LTA4H: variants seen among roughly 807,000 people sequenced by gnomAD.
LTA4H encodes the protein leukotriene A4 hydrolase.
Under a neutral mutation model 89.8 loss-of-function variants are expected in LTA4H, and 59 were observed. The ratio of observed to expected loss-of-function variants is 0.66; its 90% CI spans 0.53 to 0.82. The LOEUF (loss-of-function observed/expected upper bound fraction) is 0.82. LTA4H is among the 40% of genes least tolerant of loss of function. The pLI, the probability that LTA4H is intolerant of heterozygous loss-of-function variation, is 0.00. For missense variants in LTA4H, 617 were observed against 727.0 expected, an observed-to-expected ratio of 0.85 and a Z score of 1.74; for synonymous variants, 227 against 253.1, an observed-to-expected ratio of 0.90 and a Z score of 0.98.
Position 96,022,396 on chromosome 12 carries a change from G to GTATATAT in LTA4H, c.481-152_481-146dup. On this transcript the variant is annotated intron_variant, in intron 4 of 18. Coordinates refer to ENST00000228740, the MANE Select transcript of LTA4H (RefSeq NM_000895.3). This position sits in a 1 kb window ranked among gnomAD's most constrained non-coding sequence, Gnocchi z 4.0. ...CAAAAAGTATATACATATACAAAAA[G>GTATATAT]TATATATATACACACACATATATAT... The GTATATAT allele has an allele frequency of 1.7e-6, 1 of 583,490 alleles. No homozygotes were observed. 36.1% of individuals were successfully genotyped at this position (583,490 alleles called of 1,614,324 possible).
In LTA4H at chr12:96,003,000, T is replaced by C; in HGVS notation, c.1678A>G (p.Thr560Ala). 1 of 1,605,904 alleles carries C rather than the reference T, an allele frequency of 6.2e-7. No individual in the cohort carries two copies. The highest frequency in any genetic ancestry group is 1.1e-5 in the South Asian group (1 of 89,336). The change falls in exon 18 of 19, where the codon ACT (threonine) becomes GCT (alanine). Residue 560 changes from threonine to alanine, a missense_variant. Thr to Ala is a moderately conservative substitution (Grantham distance 58, BLOSUM62 0). Coordinates refer to ENST00000228740, the MANE Select transcript of LTA4H (RefSeq NM_000895.3). The stretch of plus-strand genomic sequence containing the variant: ...GTAAACTTCATTCTTCCTTGTTCAG[T>C]TGCCATCTTTAGCGCCAAAGGAATT... ...DAIPLALKMA[T>A]EQGRMKFTRP...
chr12:96,019,235 A>G lies in LTA4H; in HGVS notation c.644T>C (p.Ile215Thr). The G allele has an allele frequency of 6.2e-7, 1 of 1,609,492 alleles. No homozygotes were observed. The highest frequency in any genetic ancestry group is 8.5e-7 in the Non-Finnish European group (1 of 1,178,868). Reference sequence around the variant, plus strand: ...AGACCACACCAAAGTTCTTGGGCCAATTTGCCTGCAAGATTAAAAAGCTTA... The same window carrying G: ...AGACCACACCAAAGTTCTTGGGCCAGTTTGCCTGCAAGATTAAAAAGCTTA... ...LVVGALESRQ[I>T]GPRTLVWSEK... Residue 215 changes from isoleucine (I) to threonine (T), a missense_variant, in exon 7 of 19, where the codon ATT becomes ACT. Ile to Thr is a moderately conservative substitution (Grantham distance 89). Coordinates refer to ENST00000228740, the MANE Select transcript of LTA4H (RefSeq NM_000895.3).
intron 6 of LTA4H, among the ~76,000 whole-genome samples, chr12:96,019,715 C>T (rs1222664908): frequency 1.3e-5 from 2 of 151,600 alleles, no homozygotes; most frequent in African/African-American, 4.9e-5. Flanking sequence ...CCTCAGCCTC[C>T]CTAGTAGCTG....
intron 1 of LTA4H, among the ~76,000 whole-genome samples, chr12:96,042,145 G>A (rs941830397): frequency 6.6e-5 from 10 of 151,830 alleles, no homozygotes; most frequent in Non-Finnish European, 1.3e-4. Context: ...ACTACGCCGA[G>A]CTAATTTTTG....
At chr12:96,027,341 A>G in intron 3 of LTA4H, 103 bp downstream of exon 3, 1 of 928,984 alleles carries the variant, frequency 1.1e-6, no homozygotes, top group Non-Finnish European at 1.6e-6. Context: ...ACATTTTATT[A>G]GGTAAAACCT....
chr12:96,015,307 T>C, intron 11 of LTA4H: 2 of 505,106 alleles, frequency 4.0e-6, no homozygotes, highest in Middle Eastern at 5.1e-4. Context: ...AAAAATGACA[T>C]ACCAAATAAG....
chr12:96,041,723 G>GAT (rs1950687791), intron 1 of LTA4H, among the ~76,000 whole-genome samples: 1 of 151,902 alleles, frequency 6.6e-6, no homozygotes, highest in Non-Finnish European at 1.5e-5. Flanking sequence ...CTCACTGCAA[G>GAT]CTCCGCCTCC....
chr12:96,014,598 AG>A (rs1950349247), intron 12 of LTA4H, among the ~76,000 whole-genome samples: 1 of 152,202 alleles, frequency 6.6e-6, no homozygotes. Flanking sequence ...AAATGTTTTC[AG>A]GGAATACACA....
In LTA4H at chr12:96,018,847, C is replaced by T; in HGVS notation, c.768G>A (p.Gln256=). The T allele has an allele frequency of 1.2e-6, 2 of 1,604,704 alleles. No homozygotes were observed. The highest frequency in any genetic ancestry group is 1.7e-6 in the Non-Finnish European group (2 of 1,177,348). Residue 256 remains glutamine (Q), a synonymous_variant, in exon 8 of 19, where the codon CAG becomes CAA. Coordinates refer to ENST00000228740, the MANE Select transcript of LTA4H (RefSeq NM_000895.3). ...EDLGGPYVWG[Q]YDLLVLPPSF... ...ATGGTGGCAGGACCAATAGGTCATA[C>T]TGTCCCCATACATACGGTCCTCCCA...
At position 96,035,435 on chromosome 12, in the gene LTA4H, C is replaced by A. The variant is rs2136924231; in HGVS notation, c.85G>T (p.Asp29Tyr). The A allele has an allele frequency of 6.2e-7, 1 of 1,610,146 alleles. No homozygotes were observed. Among genetic ancestry groups the A allele is most frequent in the East Asian group, 2.2e-5 (1 of 44,666 alleles). Residue 29 changes from aspartate to tyrosine, a missense_variant, in exon 1 of 19, where the codon GAC becomes TAC. Physicochemically the swap from Asp to Tyr is radical, Grantham distance 160 (BLOSUM62 -3). This residue lies in a region of LTA4H where 155 missense variants were observed against 143.3 expected (regional missense o/e 1.08). Transcript: ENST00000228740. Reference protein sequence around the residue: ...TKHLHLRCSVDFTRRTLTGTA... With the variant: ...TKHLHLRCSVYFTRRTLTGTA... ...CCGGTCAGCGTCCGGCGAGTAAAGT[C>A]GACGCTGCAGCGCAGGTGCAGGTGC...
intron 6 of LTA4H, 125 bp from the exon 7 acceptor site, chr12:96,019,365 G>T: frequency 1.3e-6 from 1 of 743,236 alleles, no homozygotes. Context: ...GTGCCTATGG[G>T]AAAGGGATGA....
intron 12 of LTA4H, 98 bp downstream of exon 12, chr12:96,014,757 G>T: frequency 8.9e-7 from 1 of 1,125,844 alleles, no homozygotes; most frequent in East Asian, 2.4e-5. Context: ...GAATGAATTG[G>T]AAGTATTAAA....
intron 17 of LTA4H, 91 bp downstream of exon 17, chr12:96,003,747 G>A (rs1247035450): frequency 1.3e-6 from 1 of 746,808 alleles, no homozygotes; most frequent in African/African-American, 1.8e-5. Context: ...CAAGACTCAA[G>A]TATGTCTCAT....
upstream of LTA4H, among the ~76,000 whole-genome samples, chr12:96,036,793 A>G (rs770409993): frequency 4.6e-5 from 7 of 152,224 alleles, no homozygotes; most frequent in Non-Finnish European, 1.0e-4. Flanking sequence ...GAGACTGGGA[A>G]GAAAAGGGGT....
At chr12:96,037,625 A>G (rs565744529), upstream of LTA4H, among the ~76,000 whole-genome samples, 2 of 151,742 alleles carry the variant, frequency 1.3e-5, no homozygotes, top group East Asian at 3.9e-4. Context: ...ACCACTGTCA[A>G]GTTGCTTGGC....
Position 96,017,601 on chromosome 12 carries a change from C to T in LTA4H, c.853-21G>A. On this transcript the variant is annotated intron_variant, in intron 8 of 18. Transcript: ENST00000228740. ...CCTGCCTACAAAAAAAGAAAATTACCTTAGTATTTTAGTAATCGAATTACA... is the reference window on the plus strand; with the variant it reads ...CCTGCCTACAAAAAAAGAAAATTACTTTAGTATTTTAGTAATCGAATTACA... 1.9e-6 allele frequency: 3 copies of T among 1,596,398 alleles called. No individual in the cohort carries two copies. The South Asian group carries it at 3.3e-5, about 18-fold the overall frequency.
chr12:96,032,795 A>T (rs961219571), intron 1 of LTA4H, among the ~76,000 whole-genome samples: 1 of 152,242 alleles, frequency 6.6e-6, no homozygotes, highest in Non-Finnish European at 1.5e-5. Flanking sequence ...TGGGGAATGT[A>T]AAAACAATGA....
chr12:96,013,276 TCA>T lies in LTA4H; in HGVS notation c.1309-20_1309-19del. 2.5e-6 allele frequency: 4 copies of T among 1,582,968 alleles called. No individual in the cohort carries two copies. The highest frequency in any genetic ancestry group is 4.5e-5 in the East Asian group (2 of 44,698). Reference sequence around the variant, plus strand: ...ACATCAACCTATGAATAGTAAGAATTCACAGTTTACAATAGAATGCCCTTTCC... The same window carrying T: ...ACATCAACCTATGAATAGTAAGAATTCAGTTTACAATAGAATGCCCTTTCC... On this transcript the variant is annotated intron_variant, in intron 13 of 18. Coordinates refer to ENST00000228740, the MANE Select transcript of LTA4H (RefSeq NM_000895.3).
At chr12:96,036,357 G>C (rs755983999), upstream of LTA4H, among the ~76,000 whole-genome samples, 11 of 152,052 alleles carry the variant, frequency 7.2e-5, no homozygotes, top group African/African-American at 2.4e-4. Context: ...CTTTAGGGTG[G>C]GGCCTCAAAA....
Sources: allele counts gnomAD v4.1 joint callset (sites outside exome capture counted in the v4.1 genomes callset), GRCh38; gene constraint gnomAD v4.1.1; regional missense constraint gnomAD v4.1.1; non-coding constraint Gnocchi (gnomAD v3.1); transcripts MANE v1.5; gene names NCBI Gene and HGNC (gene_info 2026-07-23, HGNC 2026-07-21).